The following EIF3H variants were observed in gnomAD, a reference collection of about 807,000 sequenced individuals.
The protein encoded by EIF3H is eIF-3-gamma.
Under a neutral mutation model 44.2 loss-of-function variants are expected in EIF3H, and 26 were observed. The observed-to-expected ratio is 0.59, with a 90% CI of 0.43 to 0.82. The LOEUF is 0.82. Ranked by LOEUF, EIF3H falls within the 40% of genes least tolerant of loss-of-function variation. EIF3H has a pLI of 0.00. For missense variants in EIF3H, 359 were observed against 432.8 expected, an observed-to-expected ratio of 0.83 and a Z score of 1.51; for synonymous variants, 166 against 151.9, an observed-to-expected ratio of 1.09 and a Z score of -0.68.
At chr8:116,718,113 A>G (rs1814685028) in intron 2 of EIF3H, among the ~76,000 whole-genome samples, 1 of 152,140 alleles carries the variant, frequency 6.6e-6, no homozygotes, top group Non-Finnish European at 1.5e-5. Context: ...GCCAACAAAC[A>G]TATGAAAAAA....
In EIF3H at chr8:116,642,160, G is replaced by A. The variant is rs1276211842; in HGVS notation, c.*2846C>T. 4 of 152,020 alleles carry A rather than the reference G, an allele frequency of 2.6e-5. No homozygotes were observed. Among genetic ancestry groups the A allele is most frequent in the African/African-American group, 9.7e-5 (4 of 41,380 alleles). The allele number at this position is 152,020 out of a possible 1,614,324, so 9.4% of individuals were successfully genotyped here. On this transcript the variant is annotated 3_prime_UTR_variant, in exon 8 of 8. Coordinates refer to ENST00000521861, the MANE Select transcript of EIF3H (RefSeq NM_003756.3). ...TTGAGAAGTGTTTATTGTAAAAATG[G>A]AGTTTATAATGAAAATAAAAAATTA...
intron 1 of EIF3H, among the ~76,000 whole-genome samples, chr8:116,742,050 G>A (rs1387088744): frequency 6.6e-6 from 1 of 150,834 alleles, no homozygotes; most frequent in Admixed American, 6.6e-5. Context: ...CTGCTGTTAA[G>A]TTTGATGTGA....
rs1007103920 is a variant in EIF3H, at chr8:116,718,689, T to A, written c.289+7327A>T. ...GTGAAGCTATGAGGATGCAAAGGCA[T>A]AAGACCGATACAATGGGCTTTGAGG... is the stretch of plus-strand genomic sequence containing the variant. On this transcript the variant is annotated intron_variant, in intron 2 of 7. Coordinates refer to ENST00000521861, the MANE Select transcript of EIF3H (RefSeq NM_003756.3). 3.1e-5 allele frequency among the ~76,000 whole-genome samples: 4 copies of A among 130,864 alleles called. No homozygotes were observed. The East Asian group carries it at 9.6e-4, about 31-fold the overall frequency. 85.9% of individuals were successfully genotyped at this position (130,864 alleles called of 152,430 possible). A position where few individuals can be genotyped will look rare whatever the true frequency, so the allele number is the denominator to read the frequency against.
chr8:116,702,124 T>C (rs1047976383), intron 2 of EIF3H, among the ~76,000 whole-genome samples: 4 of 152,326 alleles, frequency 2.6e-5, no homozygotes, highest in Admixed American at 1.3e-4. Flanking sequence ...CTGGGAATAA[T>C]GTCTCAACTT....
At chr8:116,735,449 A>C (rs1186776383) in intron 1 of EIF3H, among the ~76,000 whole-genome samples, 1 of 152,204 alleles carries the variant, frequency 6.6e-6, no homozygotes, top group Non-Finnish European at 1.5e-5. Flanking sequence ...CCACACAAAG[A>C]CATGTCTACA....
At chr8:116,673,846 C>A (rs989627399) in intron 2 of EIF3H, among the ~76,000 whole-genome samples, 1 of 151,786 alleles carries the variant, frequency 6.6e-6, no homozygotes, top group Non-Finnish European at 1.5e-5. Flanking sequence ...CCGAAGCGGG[C>A]GGATCAGAGG....
chr8:116,664,195 A>G (rs1257946370), intron 2 of EIF3H, among the ~76,000 whole-genome samples: 1 of 152,190 alleles, frequency 6.6e-6, no homozygotes, highest in Non-Finnish European at 1.5e-5. Context: ...TTTTCCAGAT[A>G]TCCTCTTTGC....
intron 2 of EIF3H, among the ~76,000 whole-genome samples, chr8:116,693,442 G>A (rs1239858055): frequency 6.6e-6 from 1 of 152,126 alleles, no homozygotes; most frequent in Non-Finnish European, 1.5e-5. Flanking sequence ...ACACACTGCT[G>A]CATTGATAAG....
At chr8:116,752,782 AG>A (rs1563663210) in intron 1 of EIF3H, among the ~76,000 whole-genome samples, 668 of 60,082 alleles carry the variant, frequency 0.011, 41 homozygotes, top group African/African-American at 0.032. Flanking sequence ...GGAGGGAGGG[AG>A]GGAGGGAGGG....
intron 1 of EIF3H, among the ~76,000 whole-genome samples, chr8:116,731,219 C>G (rs1814945061): frequency 6.6e-6 from 1 of 152,082 alleles, no homozygotes; most frequent in South Asian, 2.1e-4. Flanking sequence ...ACCTAAAGAG[C>G]TTTTTTTAGA....
chr8:116,683,375 G>A (rs550585345), intron 2 of EIF3H, among the ~76,000 whole-genome samples: 4 of 152,202 alleles, frequency 2.6e-5, no homozygotes, highest in African/African-American at 4.8e-5. Context: ...GCAGATGGCC[G>A]GCCATTTTCT....
intron 2 of EIF3H, among the ~76,000 whole-genome samples, chr8:116,688,087 T>C (rs1814107914): frequency 6.6e-6 from 1 of 152,132 alleles, no homozygotes; most frequent in African/African-American, 2.4e-5. Context: ...GATACATTAT[T>C]GGGGAAAATT....
intron 1 of EIF3H, among the ~76,000 whole-genome samples, chr8:116,745,159 T>G (rs1170973344): frequency 6.6e-6 from 1 of 152,268 alleles, no homozygotes; most frequent in Non-Finnish European, 1.5e-5. Context: ...ATTAACCATA[T>G]AAATCCAGGC....
intron 2 of EIF3H, among the ~76,000 whole-genome samples, chr8:116,713,188 G>A (rs1183433675): frequency 6.6e-6 from 1 of 152,048 alleles, no homozygotes; most frequent in Admixed American, 6.5e-5. Flanking sequence ...TAGACTTGGG[G>A]AAACTTAGGA....
chr8:116,747,101 C>T (rs918260529), intron 1 of EIF3H, among the ~76,000 whole-genome samples: 8 of 152,156 alleles, frequency 5.3e-5, no homozygotes, highest in African/African-American at 1.9e-4. Context: ...CTCTGCCTGT[C>T]GTCCAGGTTG....
intron 2 of EIF3H, among the ~76,000 whole-genome samples, chr8:116,693,499 A>G (rs1276402371): frequency 6.7e-6 from 1 of 148,816 alleles, no homozygotes; most frequent in Non-Finnish European, 1.5e-5. Context: ...TAATTTCACC[A>G]AATGATTATA....
At chr8:116,682,935 A>G (rs1814014910) in intron 2 of EIF3H, among the ~76,000 whole-genome samples, 1 of 152,224 alleles carries the variant, frequency 6.6e-6, no homozygotes, top group African/African-American at 2.4e-5. Flanking sequence ...GTGCCTGTCC[A>G]GAGAAGATCA....
At chr8:116,724,305 T>C (rs1026023701) in intron 2 of EIF3H, among the ~76,000 whole-genome samples, 1 of 152,100 alleles carries the variant, frequency 6.6e-6, no homozygotes, top group Non-Finnish European at 1.5e-5. Context: ...CAAAGATTAA[T>C]TCAAAATGGA....
At chr8:116,706,873 T>C (rs938069052) in intron 2 of EIF3H, among the ~76,000 whole-genome samples, 5 of 152,182 alleles carry the variant, frequency 3.3e-5, no homozygotes, top group Non-Finnish European at 5.9e-5. Flanking sequence ...AAGCTCTGTG[T>C]CAGATGATTT....
Sources: allele counts gnomAD v4.1 joint callset (sites outside exome capture counted in the v4.1 genomes callset), GRCh38; gene constraint gnomAD v4.1.1; transcripts MANE v1.5; gene names NCBI Gene and HGNC (gene_info 2026-07-23, HGNC 2026-07-21).